TSGA10: variants seen among roughly 807,000 people sequenced by gnomAD.
TSGA10 encodes testis specific 10.
In TSGA10, 43 loss-of-function variants were observed where a neutral mutation model predicts 96.6. That is an observed-to-expected ratio of 0.44 (90% CI 0.35 to 0.57). The LOEUF (loss-of-function observed/expected upper bound fraction) is 0.57, where lower values mean the gene tolerates loss of function less well. Among genes scored for constraint, TSGA10 ranks in the 20% least tolerant of loss-of-function variants. TSGA10 has a pLI of 0.01. For missense variants in TSGA10, 703 were observed against 834.4 expected (o/e 0.84, Z 1.94); for synonymous variants, 229 against 269.9 (o/e 0.85, Z 1.48).
intron 16 of TSGA10, among the ~76,000 whole-genome samples, chr2:99,048,476 G>T (rs1311375314): frequency 3.3e-5 from 5 of 152,120 alleles, no homozygotes; most frequent in African/African-American, 1.2e-4. Flanking sequence ...AACAAGAAAT[G>T]GGGAAAGGAT....
chr2:99,064,088 C>A (rs1481795553), intron 16 of TSGA10, among the ~76,000 whole-genome samples: 1 of 152,090 alleles, frequency 6.6e-6, no homozygotes, highest in Non-Finnish European at 1.5e-5. Flanking sequence ...TTGACAAAAA[C>A]TTAGAAGAGC....
intron 16 of TSGA10, among the ~76,000 whole-genome samples, chr2:99,049,646 G>A (rs905458016): frequency 6.6e-6 from 1 of 151,604 alleles, no homozygotes; most frequent in Non-Finnish European, 1.5e-5. Flanking sequence ...AGGTTGATAA[G>A]TGCAGCAAAC....
At chr2:99,029,744 C>T (rs559478080) in intron 17 of TSGA10, among the ~76,000 whole-genome samples, 56 of 152,158 alleles carry the variant, frequency 3.7e-4, no homozygotes, top group African/African-American at 1.3e-3. Context: ...GGGGAAATCC[C>T]TCTACTTGAT....
At chr2:99,088,242 C>G (rs1006352381) in intron 10 of TSGA10, among the ~76,000 whole-genome samples, 3 of 152,212 alleles carry the variant, frequency 2.0e-5, no homozygotes, top group Admixed American at 6.5e-5. Context: ...CAGTTACCCA[C>G]AGTCAACTGA....
chr2:99,000,489 G>T (rs1573293750), intron 20 of TSGA10, among the ~76,000 whole-genome samples: 4 of 151,026 alleles, frequency 2.6e-5, no homozygotes. Flanking sequence ...CAGTCTGGGG[G>T]ACAAGAGTGA....
intron 10 of TSGA10, chr2:99,101,974 T>A (rs1283555528): frequency 1.1e-6 from 1 of 900,308 alleles, no homozygotes; most frequent in African/African-American, 1.7e-5. Flanking sequence ...ACCACACTGT[T>A]CTTACATTTA....
At chr2:99,132,523 T>C (rs2093140247) in intron 1 of TSGA10, among the ~76,000 whole-genome samples, 1 of 152,082 alleles carries the variant, frequency 6.6e-6, no homozygotes, top group Non-Finnish European at 1.5e-5. Context: ...TTAGTCTGGC[T>C]AGCGGTCTAT....
chr2:99,009,892 C>T (rs1573422551), intron 20 of TSGA10, among the ~76,000 whole-genome samples: 1 of 152,124 alleles, frequency 6.6e-6, no homozygotes, highest in East Asian at 1.9e-4. Context: ...GCACATGAGC[C>T]ACCACATGTG....
intron 17 of TSGA10, among the ~76,000 whole-genome samples, chr2:99,023,570 T>C (rs1053181314): frequency 7.9e-5 from 12 of 152,220 alleles, no homozygotes; most frequent in African/African-American, 2.9e-4. Flanking sequence ...TCATTTTCAG[T>C]TAATCTTTGC....
At chr2:99,132,603 C>A (rs190188218) in intron 1 of TSGA10, among the ~76,000 whole-genome samples, 1 of 152,218 alleles carries the variant, frequency 6.6e-6, no homozygotes, top group Admixed American at 6.5e-5. Context: ...GTGTCTCTAT[C>A]TCCTTCAGTT....
At chr2:99,097,511 G>A (rs891088221) in intron 10 of TSGA10, among the ~76,000 whole-genome samples, 2 of 152,120 alleles carry the variant, frequency 1.3e-5, no homozygotes, top group Non-Finnish European at 2.9e-5. Context: ...TGGGTAAATG[G>A]AGTTACTGTT....
chr2:99,071,035 C>G (rs2085906169), intron 14 of TSGA10, among the ~76,000 whole-genome samples: 1 of 152,052 alleles, frequency 6.6e-6, no homozygotes. Flanking sequence ...AGTATTACAG[C>G]TTTATAGCTG....
chr2:99,101,905 C>CTGT (rs2090793130), intron 10 of TSGA10: 2 of 598,872 alleles, frequency 3.3e-6, no homozygotes, highest in Non-Finnish European at 3.0e-6. Context: ...ATAGGGAGTG[C>CTGT]TGTTCAAAGG....
intron 10 of TSGA10, chr2:99,102,879 T>C (rs1244664274): frequency 5.7e-6 from 4 of 703,978 alleles, no homozygotes; most frequent in Non-Finnish European, 1.0e-5. Flanking sequence ...AGTCCTTTTA[T>C]ATTTGTCTTT....
At position 99,014,402 on chromosome 2, in the gene TSGA10, A is replaced by G. The variant is rs530087947; in HGVS notation, c.2072+3798T>C. ...ATCTTGAGTGATCTTTGGGTCAACA[A>G]TGAAATCAAGATGGAAATTAAAAAC... On this transcript the variant is annotated intron_variant, in intron 20 of 20. Transcript: ENST00000393483. 3.3e-5 allele frequency among the ~76,000 whole-genome samples: 5 copies of G among 152,314 alleles called. No homozygotes were observed. The South Asian group carries it at 1.0e-3, about 32-fold the overall frequency.
Position 99,065,732 on chromosome 2 carries a change from G to T in TSGA10, c.1219-608C>A, listed in dbSNP as rs188459137. 1.9e-4 allele frequency among the ~76,000 whole-genome samples: 29 copies of T among 152,214 alleles called. 2 individuals are homozygous for T. Among genetic ancestry groups the T allele is most frequent in the Admixed American group, 1.7e-3 (26 of 15,288 alleles). ...CCAGTCTAGTAACTTTCCTGAAATT[G>T]CTCAGAAGTAAACTATCAAACCTAT... On this transcript the variant is annotated intron_variant, in intron 15 of 20. Coordinates refer to ENST00000393483, the MANE Select transcript of TSGA10 (RefSeq NM_025244.4).
At chr2:99,093,313 C>T (rs551306248) in intron 10 of TSGA10, among the ~76,000 whole-genome samples, 3 of 152,096 alleles carry the variant, frequency 2.0e-5, no homozygotes, top group Non-Finnish European at 4.4e-5. Flanking sequence ...AACAGGGAAA[C>T]ACTGAAAGCA....
chr2:99,040,940 C>T lies in TSGA10; in HGVS notation c.1405-5501G>A, dbSNP rs567897852. Among the ~76,000 whole-genome samples, 662 of 152,328 alleles carry T rather than the reference C, an allele frequency of 4.3e-3. 5 individuals carry two copies. The highest frequency in any genetic ancestry group is 8.1e-3 in the Non-Finnish European group (549 of 68,026). ...AACTATTAGTTCTTACACTTTAGCC[C>T]AGTTAGTTGCTTTGGCTTACTCAGG... is the stretch of plus-strand genomic sequence containing the variant. On this transcript the variant is annotated intron_variant, in intron 16 of 20. Transcript: ENST00000393483.
chr2:99,059,168 T>C (rs2084366616), intron 16 of TSGA10, among the ~76,000 whole-genome samples: 1 of 149,812 alleles, frequency 6.7e-6, no homozygotes, highest in African/African-American at 2.4e-5. Flanking sequence ...GTGACAGAGC[T>C]AGACCATGTC....
Sources: allele counts gnomAD v4.1 joint callset (sites outside exome capture counted in the v4.1 genomes callset), GRCh38; gene constraint gnomAD v4.1.1; transcripts MANE v1.5; gene names NCBI Gene and HGNC (gene_info 2026-07-23, HGNC 2026-07-21).